The following DISC1 variants were observed in gnomAD, a reference collection of about 807,000 sequenced individuals.
DISC1 encodes disrupted in schizophrenia 1 protein.
DISC1 carries 57 observed loss-of-function variants against 84.5 expected under a neutral mutation model. The observed-to-expected ratio is 0.67, with a 90% CI of 0.55 to 0.84. The LOEUF is 0.84. Ranked by LOEUF, DISC1 falls within the 40% of genes least tolerant of loss-of-function variation. DISC1 has a pLI of 0.00. For synonymous variants in DISC1, 411 were observed against 415.2 expected, an observed-to-expected ratio of 0.99 and a Z score of 0.12; for missense variants, 1,000 against 1,057.8, an observed-to-expected ratio of 0.95 and a Z score of 0.76.
At chr1:231,635,389 C>T (rs776778293) in intron 1 of DISC1, among the ~76,000 whole-genome samples, 5 of 151,944 alleles carry the variant, frequency 3.3e-5, no homozygotes, top group South Asian at 4.1e-4. Flanking sequence ...CCAATCTGAA[C>T]GCATCAAAAT....
At chr1:231,637,229 A>T (rs1024314821) in intron 1 of DISC1, among the ~76,000 whole-genome samples, 7 of 152,268 alleles carry the variant, frequency 4.6e-5, no homozygotes, top group Non-Finnish European at 8.8e-5. Context: ...GTTGGTTCTA[A>T]GTCTTTGCTA....
chr1:231,642,457 G>C (rs1278517627), intron 1 of DISC1, among the ~76,000 whole-genome samples: 2 of 152,240 alleles, frequency 1.3e-5, no homozygotes, highest in Admixed American at 1.3e-4. Context: ...CTGCCAGCAC[G>C]CTGTCACCTC....
intron 1 of DISC1, among the ~76,000 whole-genome samples, chr1:231,691,008 C>T (rs577582252): frequency 1.1e-3 from 165 of 152,240 alleles, no homozygotes; most frequent in African/African-American, 3.8e-3. Context: ...TTCTGGTCCC[C>T]GGCTCATCAC....
At chr1:231,750,458 C>T (rs752157763) in intron 4 of DISC1, 25 of 1,004,352 alleles carry the variant, frequency 2.5e-5, no homozygotes, top group Non-Finnish European at 2.0e-5. Context: ...TCTGACCGAG[C>T]GATGAAAATC....
intron 2 of DISC1, among the ~76,000 whole-genome samples, chr1:231,701,464 C>A (rs1478181355): frequency 2.0e-5 from 3 of 152,092 alleles, no homozygotes; most frequent in Non-Finnish European, 4.4e-5. Context: ...AATATTTGAA[C>A]CTTAGGGCTT....
At chr1:231,685,208 A>G (rs531780038) in intron 1 of DISC1, 1 of 152,310 alleles carries the variant, frequency 6.6e-6, no homozygotes, top group East Asian at 1.9e-4. Flanking sequence ...CTATCTTCAT[A>G]TCGATGTCTA....
chr1:231,985,063 G>C (rs1301387338), intron 10 of DISC1, among the ~76,000 whole-genome samples: 1 of 152,170 alleles, frequency 6.6e-6, no homozygotes, highest in African/African-American at 2.4e-5. Flanking sequence ...GCTCACGCTT[G>C]TAATCCCAGC....
chr1:232,019,819 G>A (rs1400030843), intron 11 of DISC1, among the ~76,000 whole-genome samples: 2 of 152,106 alleles, frequency 1.3e-5, no homozygotes, highest in Non-Finnish European at 1.5e-5. Context: ...TTGTGGATGA[G>A]AGGTCCTGTG....
chr1:232,020,152 A>T (rs1414685586), intron 11 of DISC1, among the ~76,000 whole-genome samples: 3 of 151,682 alleles, frequency 2.0e-5, no homozygotes, highest in Non-Finnish European at 4.4e-5. Flanking sequence ...GACCAGCCTG[A>T]CCAACATGGA....
chr1:231,756,516 C>CGAGA (rs60818301), intron 4 of DISC1, among the ~76,000 whole-genome samples: 2,186 of 133,444 alleles, frequency 0.016, 62 homozygotes, highest in African/African-American at 0.031. Context: ...ATGTGAATAT[C>CGAGA]GAGAGAGAGA....
chr1:231,662,385 C>G (rs2061632559), intron 1 of DISC1, among the ~76,000 whole-genome samples: 1 of 152,218 alleles, frequency 6.6e-6, no homozygotes. Flanking sequence ...GCAGCCACCT[C>G]TCCCCCTGGG....
At chr1:231,903,086 G>A (rs2088320680) in intron 9 of DISC1, among the ~76,000 whole-genome samples, 1 of 140,230 alleles carries the variant, frequency 7.1e-6, no homozygotes, top group Non-Finnish European at 1.5e-5. Flanking sequence ...TTTTTTGACA[G>A]AGTCATACTC....
chr1:231,692,864 G>C (rs2065213165), intron 1 of DISC1, among the ~76,000 whole-genome samples: 1 of 152,158 alleles, frequency 6.6e-6, no homozygotes, highest in African/African-American at 2.4e-5. Context: ...TGATTCACAT[G>C]GTTTTGGTCG....
At chr1:231,874,107 C>A (rs116444519) in intron 9 of DISC1, among the ~76,000 whole-genome samples, 1,782 of 151,978 alleles carry the variant, frequency 0.012, 75 homozygotes, top group East Asian at 0.076. Flanking sequence ...CTGTCGGCCT[C>A]CCAAAGTGCT....
At chr1:231,848,771 C>T (rs11122348) in intron 9 of DISC1, among the ~76,000 whole-genome samples, 26,671 of 152,068 alleles carry the variant, frequency 0.18, 2,440 homozygotes, top group Middle Eastern at 0.3. Flanking sequence ...GTGTTAATGC[C>T]CCCTTTCTTC....
intron 10 of DISC1, among the ~76,000 whole-genome samples, chr1:231,974,654 C>A (rs1290740545): frequency 6.6e-6 from 1 of 152,194 alleles, no homozygotes; most frequent in East Asian, 1.9e-4. Context: ...TTCTTATACC[C>A]ACACTTAATT....
chr1:231,873,767 T>C (rs1324364782), intron 9 of DISC1, among the ~76,000 whole-genome samples: 2 of 152,238 alleles, frequency 1.3e-5, no homozygotes, highest in African/African-American at 4.8e-5. Context: ...AAGAGAAAGT[T>C]GTCAGAGGGG....
chr1:231,709,567 G>T (rs1487197584), intron 3 of DISC1, among the ~76,000 whole-genome samples: 1 of 152,014 alleles, frequency 6.6e-6, no homozygotes, highest in Non-Finnish European at 1.5e-5. Context: ...ACATCAGTCT[G>T]TCCTATAAGG....
At chr1:231,635,179 G>A (rs944234767) in intron 1 of DISC1, among the ~76,000 whole-genome samples, 1 of 151,868 alleles carries the variant, frequency 6.6e-6, no homozygotes, top group African/African-American at 2.4e-5. Flanking sequence ...TCCTCACAAA[G>A]CACAGATCTG....
Sources: allele counts gnomAD v4.1 joint callset (sites outside exome capture counted in the v4.1 genomes callset), GRCh38; gene constraint gnomAD v4.1.1; transcripts MANE v1.5; gene names NCBI Gene and HGNC (gene_info 2026-07-23, HGNC 2026-07-21).